Variants in SGO2 observed in about 807,000 individuals in gnomAD.
SGO2 encodes shugoshin 2.
A neutral mutation model predicts 99.5 loss-of-function variants in SGO2; 68 were observed. The observed-to-expected ratio is 0.68, with a 90% CI of 0.56 to 0.84. The LOEUF (loss-of-function observed/expected upper bound fraction) is 0.84. Among genes scored for constraint, SGO2 ranks in the 40% least tolerant of loss-of-function variants. SGO2 has a pLI of 0.00. For missense variants in SGO2, 1,350 were observed against 1,436.7 expected (o/e 0.94, Z 0.97); for synonymous variants, 457 against 487.1 (o/e 0.94, Z 0.81).
chr2:200,531,070 TTGA>T lies in SGO2; in HGVS notation c.-2-1899_-2-1897del, dbSNP rs201963835. 2.4e-4 allele frequency among the ~76,000 whole-genome samples: 36 copies of T among 152,236 alleles called. No individual in the cohort carries two copies. In the East Asian group the frequency reaches 5.2e-3, roughly 22 times the overall value. ...ATGGTCCAGTGGAAAAGGAAAAAAA[TTGA>T]TGATATCGGGAAAGAATTGTTGGAG... On this transcript the variant is annotated intron_variant, in intron 1 of 8. Coordinates refer to ENST00000357799, the MANE Select transcript of SGO2 (RefSeq NM_152524.6).
intron 1 of SGO2, among the ~76,000 whole-genome samples, chr2:200,527,430 G>A (rs2031154094): frequency 1.3e-5 from 2 of 152,302 alleles, no homozygotes; most frequent in South Asian, 4.1e-4. Flanking sequence ...GTGTTCTACT[G>A]TCTTTGAGAT....
intron 1 of SGO2, among the ~76,000 whole-genome samples, chr2:200,529,810 G>A (rs1184789187): frequency 6.6e-6 from 1 of 152,220 alleles, no homozygotes; most frequent in Non-Finnish European, 1.5e-5. Context: ...TTGCTGGCAT[G>A]AGCCACTGCA....
Position 200,570,968 on chromosome 2 carries a change from C to A in SGO2, c.704-82C>A. Reference sequence around the variant, plus strand: ...GTCAGAAATTATATCTGTGAAACAGCTTGATTTCGAATCTAATTTGTTTAA... The same window carrying A: ...GTCAGAAATTATATCTGTGAAACAGATTGATTTCGAATCTAATTTGTTTAA... On this transcript the variant is annotated intron_variant, in intron 6 of 8. Transcript: ENST00000357799. The surrounding 1 kb of genome is among the most constrained non-coding windows in gnomAD (Gnocchi z 4.4). 7.8e-7 allele frequency: 1 copy of A among 1,275,236 alleles called. No individual in the cohort carries two copies. The highest frequency in any genetic ancestry group is 1.5e-5 in the African/African-American group (1 of 66,306). 79.0% of individuals were successfully genotyped at this position (1,275,236 alleles called of 1,614,324 possible).
chr2:200,548,626 T>G (rs1302598816), intron 5 of SGO2, among the ~76,000 whole-genome samples: 1 of 151,946 alleles, frequency 6.6e-6, no homozygotes, highest in Non-Finnish European at 1.5e-5. Context: ...CAGAAATAAA[T>G]AAAATTGATA....
chr2:200,566,014 T>A (rs1304780632), intron 5 of SGO2, among the ~76,000 whole-genome samples: 8 of 152,220 alleles, frequency 5.3e-5, no homozygotes, highest in Non-Finnish European at 1.0e-4. Flanking sequence ...TTGAACATCC[T>A]CCTTTAGCTC....
intron 5 of SGO2, among the ~76,000 whole-genome samples, chr2:200,562,069 CA>C (rs2032992311): frequency 6.6e-6 from 1 of 152,174 alleles, no homozygotes; most frequent in Non-Finnish European, 1.5e-5. Flanking sequence ...AATTAGATCC[CA>C]CTTGTCAATT....
chr2:200,566,785 C>A (rs1196521662), intron 5 of SGO2, among the ~76,000 whole-genome samples: 2 of 152,220 alleles, frequency 1.3e-5, no homozygotes, highest in African/African-American at 4.8e-5. Flanking sequence ...ACCCGTCCCC[C>A]CAGCCTGGCT....
intron 5 of SGO2, among the ~76,000 whole-genome samples, chr2:200,565,815 A>C (rs1178623410): frequency 6.6e-6 from 1 of 151,996 alleles, no homozygotes; most frequent in African/African-American, 2.4e-5. Flanking sequence ...CATTCATTTG[A>C]TCTTCAATCA....
chr2:200,561,768 G>A (rs1352127131), intron 5 of SGO2, among the ~76,000 whole-genome samples: 2 of 152,146 alleles, frequency 1.3e-5, no homozygotes, highest in East Asian at 1.9e-4. Context: ...GTGTGAGATG[G>A]TATCTCATTG....
chr2:200,535,990 AT>A, intron 3 of SGO2, 74 bp from the exon 4 acceptor site: 1 of 917,124 alleles, frequency 1.1e-6, no homozygotes, highest in Non-Finnish European at 1.6e-6. Flanking sequence ...CATGGATGGC[AT>A]TCATAAATGC....
rs200365432 is a variant in SGO2 at position 200,572,763 on chromosome 2, A to G, written c.2417A>G (p.Lys806Arg). 5 of 1,612,992 alleles carry G rather than the reference A, an allele frequency of 3.1e-6. No individual in the cohort carries two copies. The highest frequency in any genetic ancestry group is 4.2e-6 in the Non-Finnish European group (5 of 1,179,448). The change falls in exon 7 of 9, where the codon AAG becomes AGG. Residue 806 changes from lysine (K) to arginine (R), a missense_variant. Coordinates refer to ENST00000357799, the MANE Select transcript of SGO2 (RefSeq NM_152524.6). ...PACQNDSKIG[K>R]KPRLNVCQKS... ...TGTCAAAATGATTCAAAAATAGGTA[A>G]GAAGCCTAGACTAAATGTATGTCAA...
Position 200,572,762 on chromosome 2 carries a change from A to G in SGO2, c.2416A>G (p.Lys806Glu). 5.6e-6 allele frequency: 9 copies of G among 1,613,116 alleles called. No homozygotes were observed. The highest frequency in any genetic ancestry group is 2.7e-5 in the African/African-American group (2 of 75,002). The change falls in exon 7 of 9, where the codon AAG becomes GAG. Residue 806 changes from lysine (K) to glutamate (E), a missense_variant. Transcript: ENST00000357799. ...TTGTCAAAATGATTCAAAAATAGGT[A>G]AGAAGCCTAGACTAAATGTATGTCA... is the stretch of plus-strand genomic sequence containing the variant. ...PACQNDSKIG[K>E]KPRLNVCQKS...
chr2:200,536,147 G>GTAAA lies in SGO2; in HGVS notation c.387+7_387+8insAATA. Reference sequence around the variant, plus strand: ...GAAATGAGCAGTCTTTCTGAGGTAAGTAGAATTTATATGTAAATAGTGTTG... The same window carrying GTAAA: ...GAAATGAGCAGTCTTTCTGAGGTAAGTAAATAGAATTTATATGTAAATAGTGTTG... On this transcript the variant is annotated splice_donor_region_variant and intron_variant, in intron 4 of 8. Coordinates refer to ENST00000357799, the MANE Select transcript of SGO2 (RefSeq NM_152524.6). 4 of 1,567,964 alleles carry GTAAA rather than the reference G, an allele frequency of 2.6e-6. No individual in the cohort carries two copies. Among genetic ancestry groups the GTAAA allele is most frequent in the Non-Finnish European group, 2.6e-6 (3 of 1,144,368 alleles).
chr2:200,572,325 A>G lies in SGO2; in HGVS notation c.1979A>G (p.Asn660Ser), dbSNP rs17532665. 223,986 of 1,609,420 alleles carry G rather than the reference A, an allele frequency of 0.14. 17,269 individuals carry two copies. Among genetic ancestry groups the G allele is most frequent in the Non-Finnish European group, 0.16 (188,503 of 1,178,634 alleles). Reference protein sequence around the residue: ...TQEDKEPISENIEVSKELQIP... With the variant: ...TQEDKEPISESIEVSKELQIP... ...GAGGATAAAGAACCTATCTCTGAAA[A>G]CATAGAAGTTTCCAAAGAGCTTCAA... The change falls in exon 7 of 9, where the codon AAC becomes AGC. Residue 660 changes from asparagine to serine, a missense_variant. By Grantham distance (46) the Asn-to-Ser change is conservative (BLOSUM62 1). Coordinates refer to ENST00000357799, the MANE Select transcript of SGO2 (RefSeq NM_152524.6).
Position 200,535,290 on chromosome 2 carries a change from G to C in SGO2, c.309+119G>C, listed in dbSNP as rs1281059127. 7.0e-6 allele frequency: 6 copies of C among 856,702 alleles called. No homozygotes were observed. The East Asian group carries it at 1.8e-4, about 26-fold the overall frequency. The allele number at this position is 856,702 out of a possible 1,614,324, so 53.1% of individuals were successfully genotyped here. ...AATAGTGAAAAATTATTGAAAGTCA[G>C]TATACCATGTAAGTCTATGTCAAAG... On this transcript the variant is annotated intron_variant, in intron 3 of 8. Transcript: ENST00000357799.
At position 200,572,736 on chromosome 2, in the gene SGO2, C is replaced by T; in HGVS notation, c.2390C>T (p.Ala797Val). The change falls in exon 7 of 9, where the codon GCT (alanine) becomes GTT (valine). Residue 797 changes from alanine (A) to valine (V), a missense_variant. Ala to Val is a moderately conservative substitution (Grantham distance 64). Transcript: ENST00000357799. ...GVKHGHDMQP[A>V]CQNDSKIGKK... Reference sequence around the variant, plus strand: ...AAACATGGCCATGATATGCAACCTGCTTGTCAAAATGATTCAAAAATAGGT... The same window carrying T: ...AAACATGGCCATGATATGCAACCTGTTTGTCAAAATGATTCAAAAATAGGT... 1 of 1,612,976 alleles carries T rather than the reference C, an allele frequency of 6.2e-7. No homozygotes were observed. The highest frequency in any genetic ancestry group is 8.5e-7 in the Non-Finnish European group (1 of 1,179,434).
At chr2:200,558,633 A>G (rs1409851199) in intron 5 of SGO2, among the ~76,000 whole-genome samples, 2 of 151,582 alleles carry the variant, frequency 1.3e-5, no homozygotes, top group Admixed American at 6.6e-5. Context: ...CTTGTAATAG[A>G]TTTTGTCAGG....
At chr2:200,579,470 T>C (rs548875999) in intron 8 of SGO2, among the ~76,000 whole-genome samples, 2 of 152,348 alleles carry the variant, frequency 1.3e-5, no homozygotes, top group South Asian at 4.1e-4. Context: ...GAAGTATTTT[T>C]GTCTCTCCAT....
At chr2:200,531,938 AT>A (rs2106301510) in intron 1 of SGO2, 1 of 152,350 alleles carries the variant, frequency 6.6e-6, no homozygotes, top group East Asian at 1.9e-4. Flanking sequence ...TCCTGCCTGG[AT>A]AATCCAGGAT....
Sources: gnomAD v4.1 joint callset for allele counts (sites outside exome capture counted in the v4.1 genomes callset) on GRCh38, gnomAD v4.1.1 for gene constraint, Gnocchi (gnomAD v3.1) non-coding constraint, MANE v1.5 for transcripts, NCBI Gene and HGNC (gene_info 2026-07-23, HGNC 2026-07-21) for gene names.